CTNNA3: variants seen among roughly 807,000 people sequenced by gnomAD.
CTNNA3 encodes catenin alpha-3.
Under a neutral mutation model 95.7 loss-of-function variants are expected in CTNNA3, and 76 were observed. That is an observed-to-expected ratio of 0.79 (90% CI 0.66 to 0.96). CTNNA3 has a LOEUF of 0.96. Among genes scored for constraint, CTNNA3 ranks in the 40% least tolerant of loss-of-function variants. The pLI, the probability that CTNNA3 is intolerant of heterozygous loss-of-function variation, is 0.00. For missense variants in CTNNA3, 1,191 were observed against 1,089.8 expected (o/e 1.09, Z -1.31); for synonymous variants, 431 against 374.4 (o/e 1.15, Z -1.74).
At chr10:66,949,240 T>C (rs1401532594) in intron 7 of CTNNA3, among the ~76,000 whole-genome samples, 1 of 152,136 alleles carries the variant, frequency 6.6e-6, no homozygotes, top group Non-Finnish European at 1.5e-5. Flanking sequence ...GGAAATATTA[T>C]GATAAACATC....
intron 7 of CTNNA3, among the ~76,000 whole-genome samples, chr10:67,047,199 C>T (rs1778520145): frequency 6.6e-6 from 1 of 152,090 alleles, no homozygotes; most frequent in African/African-American, 2.4e-5. Flanking sequence ...ATTGTTTTAA[C>T]ATTTTTTCTG....
rs533309578 is a variant in CTNNA3 at position 67,362,524 on chromosome 10, T to C, written c.580-142654A>G. ...ATAAACAGAATTAAAAACAAAACCA[T>C]ATATCATCTTAATAGATGCAAAAGA... On this transcript the variant is annotated intron_variant, in intron 5 of 17. Coordinates refer to ENST00000433211, the MANE Select transcript of CTNNA3 (RefSeq NM_013266.4). Among the ~76,000 whole-genome samples the C allele has an allele frequency of 4.6e-5, 7 of 152,142 alleles. No individual in the cohort carries two copies. In the East Asian group the frequency reaches 1.2e-3, roughly 25 times the overall value.
At chr10:66,630,198 A>G (rs1845083288) in intron 9 of CTNNA3, among the ~76,000 whole-genome samples, 1 of 152,110 alleles carries the variant, frequency 6.6e-6, no homozygotes, top group Admixed American at 6.6e-5. Flanking sequence ...TTGAGAATGT[A>G]TCATCTTCTT....
At chr10:67,553,574 T>A (rs1428034443) in intron 3 of CTNNA3, among the ~76,000 whole-genome samples, 1 of 152,158 alleles carries the variant, frequency 6.6e-6, no homozygotes, top group African/African-American at 2.4e-5. Context: ...TAGCAGCATT[T>A]GAGGAATGGC....
chr10:66,703,572 C>A (rs1848022454), intron 9 of CTNNA3, among the ~76,000 whole-genome samples: 1 of 152,086 alleles, frequency 6.6e-6, no homozygotes, highest in African/African-American at 2.4e-5. Flanking sequence ...TTTGTGAAAC[C>A]AATCAGAAAA....
chr10:67,581,567 G>A (rs940348651), intron 3 of CTNNA3, among the ~76,000 whole-genome samples: 2 of 152,130 alleles, frequency 1.3e-5, no homozygotes, highest in Non-Finnish European at 2.9e-5. Context: ...GATGATGCTG[G>A]CCTCATAAAA....
chr10:67,387,481 G>A (rs948365027), intron 5 of CTNNA3, among the ~76,000 whole-genome samples: 3 of 152,212 alleles, frequency 2.0e-5, no homozygotes, highest in Non-Finnish European at 4.4e-5. Context: ...CGAGGCTGGG[G>A]GAGGGGCGCC....
chr10:67,360,161 A>G (rs1842946769), intron 5 of CTNNA3, among the ~76,000 whole-genome samples: 1 of 152,066 alleles, frequency 6.6e-6, no homozygotes, highest in Non-Finnish European at 1.5e-5. Context: ...ACACTAAGGG[A>G]ATTTATTACC....
chr10:66,046,470 G>A (rs937726022), intron 15 of CTNNA3, among the ~76,000 whole-genome samples: 1 of 152,168 alleles, frequency 6.6e-6, no homozygotes, highest in African/African-American at 2.4e-5. Context: ...AGCTAAGGAA[G>A]TGTTAAGAGG....
intron 9 of CTNNA3, among the ~76,000 whole-genome samples, chr10:66,742,836 C>T (rs773660700): frequency 6.6e-6 from 1 of 152,188 alleles, no homozygotes; most frequent in African/African-American, 2.4e-5. Context: ...TTTACCTGCT[C>T]ATGAGTCAGT....
intron 5 of CTNNA3, among the ~76,000 whole-genome samples, chr10:67,228,444 C>G (rs1286523471): frequency 6.6e-6 from 1 of 152,052 alleles, no homozygotes; most frequent in Non-Finnish European, 1.5e-5. Flanking sequence ...AAAACCCCAT[C>G]TCTACCAAAA....
At chr10:66,140,360 T>C (rs2083552667) in intron 13 of CTNNA3, among the ~76,000 whole-genome samples, 1 of 152,206 alleles carries the variant, frequency 6.6e-6, no homozygotes, top group Non-Finnish European at 1.5e-5. Context: ...CTTTGAGGTA[T>C]AGTGAACTCT....
At chr10:66,624,478 C>A (rs1395860525) in intron 9 of CTNNA3, among the ~76,000 whole-genome samples, 1 of 152,046 alleles carries the variant, frequency 6.6e-6, no homozygotes, top group Non-Finnish European at 1.5e-5. Context: ...AGAAATTTAA[C>A]AATATGTCTG....
intron 4 of CTNNA3, among the ~76,000 whole-genome samples, chr10:67,533,576 G>A (rs569138168): frequency 6.8e-4 from 103 of 152,218 alleles, no homozygotes; most frequent in African/African-American, 2.1e-3. Context: ...ATTTGGACCT[G>A]TTTTTCCCCA....
intron 7 of CTNNA3, among the ~76,000 whole-genome samples, chr10:67,143,371 G>A (rs1019344276): frequency 4.4e-5 from 6 of 135,172 alleles, no homozygotes; most frequent in African/African-American, 8.5e-5. Flanking sequence ...GTAGTGAGCC[G>A]AAATCACGCC....
chr10:67,507,410 C>G (rs948794362), intron 5 of CTNNA3, among the ~76,000 whole-genome samples: 1 of 151,942 alleles, frequency 6.6e-6, no homozygotes, highest in Non-Finnish European at 1.5e-5. Flanking sequence ...CGCCTGTAAT[C>G]CCAGCTACTC....
rs142524754 is a variant in CTNNA3, at chr10:67,192,642, C to T, written c.844-12122G>A. Among the ~76,000 whole-genome samples, 467 of 151,876 alleles carry T rather than the reference C, an allele frequency of 3.1e-3. 3 individuals carry two copies. The highest frequency in any genetic ancestry group is 0.011 in the African/African-American group (444 of 41,490). On this transcript the variant is annotated intron_variant, in intron 6 of 17. Transcript: ENST00000433211. ...ATGTGGAGAAAAGGGAACTTTTGCACACTGCTGGTGGGAATGTAAATTGAT... is the reference window on the plus strand; with the variant it reads ...ATGTGGAGAAAAGGGAACTTTTGCATACTGCTGGTGGGAATGTAAATTGAT...
intron 9 of CTNNA3, among the ~76,000 whole-genome samples, chr10:66,735,862 C>T (rs1849117833): frequency 1.3e-5 from 2 of 152,168 alleles, no homozygotes; most frequent in Admixed American, 1.3e-4. Context: ...ATGAGAGTTG[C>T]TTTAATAACA....
At chr10:67,176,143 T>C (rs1429748657) in intron 7 of CTNNA3, among the ~76,000 whole-genome samples, 1 of 152,182 alleles carries the variant, frequency 6.6e-6, no homozygotes. Context: ...AGAATAGGGC[T>C]GGATGTGGAT....
Sources: allele counts gnomAD v4.1 joint callset (sites outside exome capture counted in the v4.1 genomes callset), GRCh38; gene constraint gnomAD v4.1.1; transcripts MANE v1.5; gene names NCBI Gene and HGNC (gene_info 2026-07-23, HGNC 2026-07-21).